TTN: variants seen among roughly 807,000 people sequenced by gnomAD.
TTN encodes connectin.
A neutral mutation model predicts 3,223.0 loss-of-function variants in TTN; 1,525 were observed. The ratio of observed to expected loss-of-function variants is 0.47; its 90% CI spans 0.45 to 0.49. TTN has a LOEUF of 0.49. Ranked by LOEUF, TTN falls within the 20% of genes least tolerant of loss-of-function variation. The pLI is 0.00. For synonymous variants in TTN, 14,094 were observed against 15,161.0 expected (o/e 0.93, Z 5.17); for missense variants, 40,786 against 43,424.0 (o/e 0.94, Z 5.40).
rs372392376 is a variant in TTN, at chr2:178,704,913, A to C, written c.29658T>G (p.Leu9886=). Residue 9886 remains leucine (L), a synonymous_variant, in exon 104 of 363, where the codon CTT becomes CTG. Coordinates refer to ENST00000589042, the MANE Select transcript of TTN (RefSeq NM_001267550.2). The part of the protein sequence containing the change: ...SERDEKEFEE[L]VSFIQQRLSQ... ...ACAGTCTTTGCTGAATAAATGATAC[A>C]AGTTCCTCAAATTCCTTTTCGTCCC... The C allele has an allele frequency of 4.7e-5, 76 of 1,613,318 alleles. No individual in the cohort carries two copies. Among genetic ancestry groups the C allele is most frequent in the Non-Finnish European group, 6.3e-5 (74 of 1,179,804 alleles).
chr2:178,648,600 G>A (rs1478460377), intron 213 of TTN, among the ~76,000 whole-genome samples: 1 of 152,012 alleles, frequency 6.6e-6, no homozygotes, highest in Non-Finnish European at 1.5e-5. Context: ...AGTAGAGACG[G>A]GGTTTCACCA....
intron 344 of TTN, 74 bp from the exon 345 acceptor site, chr2:178,544,580 A>G: frequency 7.7e-7 from 1 of 1,292,024 alleles, no homozygotes; most frequent in Non-Finnish European, 1.1e-6. Flanking sequence ...TTTTGTTTTC[A>G]AGACTCACAA....
In TTN at chr2:178,620,227, CTTT is replaced by C. The variant is rs2154210843; in HGVS notation, c.46291_46293del (p.Lys15431del). 1 of 1,536,022 alleles carries C rather than the reference CTTT, an allele frequency of 6.5e-7. No homozygotes were observed. Among genetic ancestry groups the C allele is most frequent in the East Asian group, 2.3e-5 (1 of 43,966 alleles). On this transcript the variant is annotated inframe_deletion, in exon 248 of 363. Transcript: ENST00000589042. ...AAAGATCTTGCTTACTTTTTGCCTT[CTTT>C]GATTTCTCTCCCATTTCTGTACCAT...
rs751993220 is a variant in TTN at position 178,579,619 on chromosome 2, C to G, written c.67578G>C (p.Glu22526Asp). The change falls in exon 319 of 363, where the codon GAG becomes GAC. Residue 22526 changes from glutamate to aspartate, a missense_variant. Glu to Asp is a conservative substitution (Grantham distance 45, BLOSUM62 2). Coordinates refer to ENST00000589042, the MANE Select transcript of TTN (RefSeq NM_001267550.2). ...TTGGGGTTCCTTCTCCATTTTCATT[C>G]TCAGCACTCACTCTGAAGGTATATT... ...GKEYTFRVSA[E>D]NENGEGTPSE... The G allele has an allele frequency of 2.5e-6, 4 of 1,613,380 alleles. No homozygotes were observed. In the Admixed American group the frequency reaches 6.7e-5, roughly 27 times the overall value.
rs376959563 is a variant in TTN, at chr2:178,591,104, A to G, written c.60621T>C (p.Tyr20207=). 9.9e-6 allele frequency: 16 copies of G among 1,613,322 alleles called. No individual in the cohort carries two copies. In the East Asian group the frequency reaches 1.1e-4, roughly 11 times the overall value. The stretch of plus-strand genomic sequence containing the variant: ...TCCTTGTATCTTGTTTCTCAACAAT[A>G]TAATTTATCACAGGGCTTCCTCCAT... The part of the protein sequence containing the change: ...KDDGGSPVIN[Y]IVEKQDTRKD... The change falls in exon 304 of 363, where the codon TAT becomes TAC. Residue 20207 remains tyrosine, a synonymous_variant. Coordinates refer to ENST00000589042, the MANE Select transcript of TTN (RefSeq NM_001267550.2).
At chr2:178,650,074 T>C (rs1011085176) in intron 210 of TTN, 90 bp downstream of exon 210, 20 of 1,333,634 alleles carry the variant, frequency 1.5e-5, no homozygotes, top group Non-Finnish European at 1.9e-5. Flanking sequence ...GGCAACAAGA[T>C]ACAAGACTGA....
At chr2:178,765,344 A>T (rs935317955) in intron 41 of TTN, among the ~76,000 whole-genome samples, 26 of 152,336 alleles carry the variant, frequency 1.7e-4, no homozygotes, top group African/African-American at 6.0e-4. Context: ...GTTAAATGCC[A>T]TTAGGTAGAC....
In TTN at chr2:178,705,182, G is replaced by A; in HGVS notation, c.29596C>T (p.His9866Tyr). The change falls in exon 103 of 363, where the codon CAT (histidine) becomes TAT (tyrosine). Residue 9866 changes from histidine to tyrosine, a missense_variant. Physicochemically the swap from His to Tyr is moderately conservative, Grantham distance 83. Transcript: ENST00000589042. ...TATATGAAGGAGCATACCAGTCTATGTGTCTCTTCTTCTTGGCTTTGCTTG... is the reference window on the plus strand; with the variant it reads ...TATATGAAGGAGCATACCAGTCTATATGTCTCTTCTTCTTGGCTTTGCTTG... ...LLKQSQEEET[H>Y]RLEIEEIERS... 6.2e-7 allele frequency: 1 copy of A among 1,613,016 alleles called. No individual in the cohort carries two copies. Among genetic ancestry groups the A allele is most frequent in the East Asian group, 2.2e-5 (1 of 44,846 alleles).
In TTN at chr2:178,532,353, C is replaced by T. The variant is rs571631837; in HGVS notation, c.104262G>A (p.Ala34754=). 5.1e-5 allele frequency: 83 copies of T among 1,613,872 alleles called. No individual in the cohort carries two copies. Among genetic ancestry groups the T allele is most frequent in the Admixed American group, 1.7e-4 (10 of 60,008 alleles). Residue 34754 remains alanine (A), a synonymous_variant, in exon 358 of 363, where the codon GCG becomes GCA. Transcript: ENST00000589042. ...AELRERHAQA[A]YRQPKQRQRI... is the part of the protein sequence containing the mutation. ...TTTGCCGTTGCTTTGGCTGTCTGTA[C>T]GCAGCCTGGGCATGCCGTTCCCTCA...
In TTN at chr2:178,694,006, G is replaced by T; in HGVS notation, c.31429C>A (p.Pro10477Thr). Residue 10477 changes from proline (P) to threonine (T), a missense_variant and splice_region_variant, in exon 118 of 363, where the codon CCA becomes ACA. Coordinates refer to ENST00000589042, the MANE Select transcript of TTN (RefSeq NM_001267550.2). ...ACCATCTTCTTTGTATGCACAGCTG[G>T]TACTTTAAAGAGAGTATTTCACATT... ...VQEEVIEVKVPAVHTKKMVIS... is the reference protein window; with the variant it reads ...VQEEVIEVKVTAVHTKKMVIS... 6.2e-7 allele frequency: 1 copy of T among 1,608,244 alleles called. No homozygotes were observed. The highest frequency in any genetic ancestry group is 2.2e-5 in the East Asian group (1 of 44,796).
chr2:178,663,188 G>A, intron 173 of TTN, 78 bp downstream of exon 173: 1 of 1,589,310 alleles, frequency 6.3e-7, no homozygotes, highest in Admixed American at 1.8e-5. Context: ...TCTTTATGTA[G>A]TAGGATTTTT....
At position 178,617,760 on chromosome 2, in the gene TTN, C is replaced by A. The variant is rs2057624348; in HGVS notation, c.47572+19G>T. 1.9e-6 allele frequency: 3 copies of A among 1,610,558 alleles called. No individual in the cohort carries two copies. The highest frequency in any genetic ancestry group is 1.7e-6 in the Non-Finnish European group (2 of 1,178,492). On this transcript the variant is annotated intron_variant, in intron 253 of 362. Transcript: ENST00000589042. ...CTGGATTTCATGCAGTAATTATTTC[C>A]CTTTTTTGATGGGCTTACCAATTGG...
Position 178,701,106 on chromosome 2 carries a change from A to G in TTN, c.30682+14T>C. Reference sequence around the variant, plus strand: ...AATTCTTATTTCGACATCTAGGTAGATGAGGTATAATACCTTCAATACGTT... The same window carrying G: ...AATTCTTATTTCGACATCTAGGTAGGTGAGGTATAATACCTTCAATACGTT... On this transcript the variant is annotated intron_variant, in intron 111 of 362. Transcript: ENST00000589042. 2 of 1,609,386 alleles carry G rather than the reference A, an allele frequency of 1.2e-6. No homozygotes were observed. Among genetic ancestry groups the G allele is most frequent in the East Asian group, 2.2e-5 (1 of 44,774 alleles).
chr2:178,671,266 TTATC>T (rs2066920796), intron 155 of TTN, 96 bp from the exon 156 acceptor site: 2 of 781,290 alleles, frequency 2.6e-6, no homozygotes, highest in African/African-American at 1.9e-5. Flanking sequence ...ACAAAATTCT[TTATC>T]TATATTTTTT....
In TTN at chr2:178,574,496, G is replaced by A. The variant is rs566803857; in HGVS notation, c.71636C>T (p.Ala23879Val). 1 of 1,613,628 alleles carries A rather than the reference G, an allele frequency of 6.2e-7. No individual in the cohort carries two copies. The highest frequency in any genetic ancestry group is 8.5e-7 in the Non-Finnish European group (1 of 1,179,632). The change falls in exon 326 of 363, where the codon GCT (alanine) becomes GTT (valine). Residue 23879 changes from alanine to valine, a missense_variant. Coordinates refer to ENST00000589042, the MANE Select transcript of TTN (RefSeq NM_001267550.2). Reference sequence around the variant, plus strand: ...TTTGAAAATGTTGCCTGGTACTAAAGCTTTGCTCACAGTCTGCCAGAGAAT... The same window carrying A: ...TTTGAAAATGTTGCCTGGTACTAAAACTTTGCTCACAGTCTGCCAGAGAAT... ...NGILWQTVSK[A>V]LVPGNIFKSS...
At position 178,665,433 on chromosome 2, in the gene TTN, G is replaced by C; in HGVS notation, c.35987C>G (p.Pro11996Arg). ...TACATCCTCAAATATTTTCATTTCA[G>C]GGACAACTTCTTTCATAGCTTCTGG... is the stretch of plus-strand genomic sequence containing the variant. ...KAPEAMKEVV[P>R]EMKIFEDVPE... The change falls in exon 165 of 363, where the codon CCT (proline) becomes CGT (arginine). Residue 11996 changes from proline to arginine, a missense_variant. Coordinates refer to ENST00000589042, the MANE Select transcript of TTN (RefSeq NM_001267550.2). The C allele has an allele frequency of 6.2e-7, 1 of 1,612,324 alleles. No individual in the cohort carries two copies. Among genetic ancestry groups the C allele is most frequent in the Non-Finnish European group, 8.5e-7 (1 of 1,179,566 alleles).
At position 178,607,526 on chromosome 2, in the gene TTN, T is replaced by A; in HGVS notation, c.53162A>T (p.Asp17721Val). 6.2e-7 allele frequency: 1 copy of A among 1,613,268 alleles called. No individual in the cohort carries two copies. Among genetic ancestry groups the A allele is most frequent in the Non-Finnish European group, 8.5e-7 (1 of 1,179,408 alleles). The change falls in exon 277 of 363, where the codon GAC (aspartate) becomes GTC (valine). Residue 17721 changes from aspartate (D) to valine (V), a missense_variant. Transcript: ENST00000589042. ...TAGTTCAGATTTGGTTCCAACGTTGTCTATTACAACACGGTCTTTATCCAG... is the reference window on the plus strand; with the variant it reads ...TAGTTCAGATTTGGTTCCAACGTTGACTATTACAACACGGTCTTTATCCAG... ...GELDKDRVVI[D>V]NVGTKSELII...
intron 250 of TTN, chr2:178,619,136 A>G (rs1034076188): frequency 2.2e-6 from 1 of 452,616 alleles, no homozygotes. Context: ...AGTGCAAAAC[A>G]TGTTTTGTTT....
In TTN at chr2:178,567,005, G is replaced by T. The variant is rs397517714; in HGVS notation, c.79127C>A (p.Ala26376Glu). 1.2e-6 allele frequency: 2 copies of T among 1,613,458 alleles called. No individual in the cohort carries two copies. Among genetic ancestry groups the T allele is most frequent in the Non-Finnish European group, 1.7e-6 (2 of 1,179,660 alleles). Residue 26376 changes from alanine to glutamate, a missense_variant, in exon 326 of 363, where the codon GCA (alanine) becomes GAA (glutamate). Transcript: ENST00000589042. Reference sequence around the variant, plus strand: ...AAATGGATTTTTCATTAGTACTGGTGCAGATTCCAAAGGCTCTCCAACACC... The same window carrying T: ...AAATGGATTTTTCATTAGTACTGGTTCAGATTCCAAAGGCTCTCCAACACC... ...KYGVGEPLES[A>E]PVLMKNPFVL... is the part of the protein sequence containing the mutation.
Sources: allele counts gnomAD v4.1 joint callset (sites outside exome capture counted in the v4.1 genomes callset), GRCh38; gene constraint gnomAD v4.1.1; transcripts MANE v1.5; gene names NCBI Gene and HGNC (gene_info 2026-07-23, HGNC 2026-07-21).